Variants in HERC1 observed in about 807,000 individuals in gnomAD.
The protein encoded by HERC1 is probable E3 ubiquitin-protein ligase HERC1.
A neutral mutation model predicts 554.3 loss-of-function variants in HERC1; 160 were observed. The observed-to-expected ratio is 0.29, with a 90% confidence interval of 0.25 to 0.33. The LOEUF (loss-of-function observed/expected upper bound fraction) is 0.33. Among genes scored for constraint, HERC1 ranks in the 10% least tolerant of loss-of-function variants. HERC1 has a pLI of 1.00. For missense variants in HERC1, 4,919 were observed against 5,918.5 expected (o/e 0.83, Z 5.54); for synonymous variants, 2,175 against 2,131.7 (o/e 1.02, Z -0.56).
chr15:63,694,349 T>A lies in HERC1; in HGVS notation c.5443A>T (p.Ser1815Cys). Reference sequence around the variant, plus strand: ...GCTAGAATCTGGAGCAACCTTGTACTGGCCACTTTCAAAGCTGTGCTAAGC... The same window carrying A: ...GCTAGAATCTGGAGCAACCTTGTACAGGCCACTTTCAAAGCTGTGCTAAGC... ...SQLSTALKVA[S>C]TRLLQILAIT... The change falls in exon 29 of 78, where the codon AGT (serine) becomes TGT (cysteine). Residue 1815 changes from serine to cysteine, a missense_variant. Ser to Cys is a moderately radical substitution (Grantham distance 112). This residue lies in a region of HERC1 where 1,121 missense variants were observed against 1,244.0 expected (regional missense o/e 0.90). Coordinates refer to ENST00000443617, the MANE Select transcript of HERC1 (RefSeq NM_003922.4). This position sits in a 1 kb window ranked among gnomAD's most constrained non-coding sequence, Gnocchi z 4.3. 1 of 1,613,902 alleles carries A rather than the reference T, an allele frequency of 6.2e-7. No homozygotes were observed. The highest frequency in any genetic ancestry group is 8.5e-7 in the Non-Finnish European group (1 of 1,179,846).
Position 63,646,281 on chromosome 15 carries a change from T to C in HERC1, c.10879-599A>G, listed in dbSNP as rs150819294. On this transcript the variant is annotated intron_variant, in intron 55 of 77. Transcript: ENST00000443617. The stretch of plus-strand genomic sequence containing the variant: ...AAAAAATCATTCTTCATGAACGGAA[T>C]TTCTGACATTACTGGGAGCATTTGA... Among the ~76,000 whole-genome samples, 383 of 152,290 alleles carry C rather than the reference T, an allele frequency of 2.5e-3. 3 individuals carry two copies. The highest frequency in any genetic ancestry group is 8.3e-3 in the African/African-American group (345 of 41,556).
chr15:63,644,390 G>C (rs1377713875), intron 57 of HERC1, among the ~76,000 whole-genome samples: 1 of 152,070 alleles, frequency 6.6e-6, no homozygotes, highest in Non-Finnish European at 1.5e-5. Flanking sequence ...TTAAACATTG[G>C]ATTCTTAGCA....
Position 63,649,758 on chromosome 15 carries a change from G to A in HERC1, c.10714C>T (p.Arg3572Cys), listed in dbSNP as rs773723557. The A allele has an allele frequency of 6.2e-6, 10 of 1,613,642 alleles. No individual in the cohort carries two copies. Among genetic ancestry groups the A allele is most frequent in the South Asian group, 1.1e-5 (1 of 90,972 alleles). The change falls in exon 54 of 78, where the codon CGT (arginine) becomes TGT (cysteine). Residue 3572 changes from arginine (R) to cysteine (C), a missense_variant. Physicochemically the swap from Arg to Cys is radical, Grantham distance 180 (BLOSUM62 -3). Around this residue, in one of 11 missense-constraint regions of HERC1, gnomAD observed 1,963 missense variants for 2,228.6 expected, o/e 0.88. Transcript: ENST00000443617. ...IEVVDVSTMHRRELEHCYRKD... is the reference protein window; with the variant it reads ...IEVVDVSTMHCRELEHCYRKD... Reference sequence around the variant, plus strand: ...CGATAGCAATGCTCCAATTCTCGACGGTGCATGGTGGACACATCAACAACT... The same window carrying A: ...CGATAGCAATGCTCCAATTCTCGACAGTGCATGGTGGACACATCAACAACT...
intron 17 of HERC1, 49 bp from the exon 18 acceptor site, chr15:63,725,562 A>G (rs752379647): frequency 6.8e-7 from 1 of 1,459,890 alleles, no homozygotes; most frequent in South Asian, 1.2e-5. Context: ...TACTTTTAAG[A>G]TTCAAAATAT....
At chr15:63,620,664 C>G (rs28750783) in intron 74 of HERC1, among the ~76,000 whole-genome samples, 123,593 of 151,666 alleles carry the variant, frequency 0.81, 52,251 homozygotes, top group Non-Finnish European at 0.88. Flanking sequence ...CTTGGTTTAT[C>G]AATCTGGGTG....
intron 1 of HERC1, among the ~76,000 whole-genome samples, chr15:63,777,722 TC>T (rs1197126539): frequency 4.6e-5 from 7 of 152,206 alleles, no homozygotes; most frequent in Non-Finnish European, 1.0e-4. Flanking sequence ...GCTTCTGTTT[TC>T]CATTCTTGGT....
intron 33 of HERC1, 115 bp downstream of exon 33, chr15:63,689,474 G>A (rs1286978442): frequency 1.7e-6 from 1 of 599,402 alleles, no homozygotes; most frequent in African/African-American, 1.9e-5. Context: ...AATGCCAAGA[G>A]AGGAAATGGA....
At chr15:63,620,588 G>C (rs1253807885) in intron 74 of HERC1, among the ~76,000 whole-genome samples, 1 of 152,150 alleles carries the variant, frequency 6.6e-6, no homozygotes, top group Non-Finnish European at 1.5e-5. Flanking sequence ...AATGTTGACA[G>C]TGGGGTGTTA....
intron 61 of HERC1, 106 bp downstream of exon 61, chr15:63,640,046 C>T (rs1292166556): frequency 7.5e-6 from 8 of 1,063,692 alleles, no homozygotes; most frequent in Admixed American, 2.3e-5. Flanking sequence ...TTAAGGGTAT[C>T]CTTCTAGCCA....
Position 63,733,105 on chromosome 15 carries a change from T to A in HERC1, c.2687A>T (p.His896Leu). The change falls in exon 14 of 78, where the codon CAT becomes CTT. Residue 896 changes from histidine to leucine, a missense_variant. Around this residue, in one of 11 missense-constraint regions of HERC1, gnomAD observed 744 missense variants for 1,090.0 expected, o/e 0.68. Coordinates refer to ENST00000443617, the MANE Select transcript of HERC1 (RefSeq NM_003922.4). ...LDIILTSLQD[H>L]THVASLLGYS... The stretch of plus-strand genomic sequence containing the variant: ...GCCAAGTAGGGAGGCTACGTGGGTA[T>A]GATCTTGCAAACTTGTCAGGATGAT... The A allele has an allele frequency of 6.2e-7, 1 of 1,613,928 alleles. No individual in the cohort carries two copies. Among genetic ancestry groups the A allele is most frequent in the South Asian group, 1.1e-5 (1 of 91,088 alleles).
At chr15:63,804,815 G>T (rs754181853) in intron 1 of HERC1, among the ~76,000 whole-genome samples, 1 of 151,970 alleles carries the variant, frequency 6.6e-6, no homozygotes, top group Non-Finnish European at 1.5e-5. Flanking sequence ...TACATAAACA[G>T]CCAAAAAAGC....
In HERC1 at chr15:63,692,741, C is replaced by A. The variant is rs549220517; in HGVS notation, c.5675-175G>T. 3.3e-5 allele frequency among the ~76,000 whole-genome samples: 5 copies of A among 152,226 alleles called. No individual in the cohort carries two copies. In the South Asian group the frequency reaches 6.2e-4, roughly 19 times the overall value. On this transcript the variant is annotated intron_variant, in intron 30 of 77. Transcript: ENST00000443617. The surrounding 1 kb of genome is among the most constrained non-coding windows in gnomAD (Gnocchi z 4.7). ...AATGGGGAAAGGTCAGAAAACAAAG[C>A]CTAAACTTGAAACGCCTTTTACATC...
At chr15:63,742,126 G>A (rs2074836807) in intron 12 of HERC1, among the ~76,000 whole-genome samples, 2 of 152,180 alleles carry the variant, frequency 1.3e-5, no homozygotes, top group Admixed American at 1.3e-4. Context: ...AACATGAGGT[G>A]TGTTTCCATT....
Position 63,758,905 on chromosome 15 carries a change from T to C in HERC1, c.1027-536A>G, listed in dbSNP as rs1166186743. On this transcript the variant is annotated intron_variant, in intron 3 of 77. Transcript: ENST00000443617. This position sits in a 1 kb window ranked among gnomAD's most constrained non-coding sequence, Gnocchi z 4.0. ...AACCACTTCCCCACCCCCAACTTTT[T>C]TTTTAAATAGATGGGGTCTCATTAT... is the stretch of plus-strand genomic sequence containing the variant. Among the ~76,000 whole-genome samples, 6 of 152,094 alleles carry C rather than the reference T, an allele frequency of 3.9e-5. No homozygotes were observed. The highest frequency in any genetic ancestry group is 3.9e-4 in the Admixed American group (6 of 15,256).
At chr15:63,650,091 C>T (rs998900267) in intron 53 of HERC1, among the ~76,000 whole-genome samples, 166 bp from the exon 54 acceptor site, 26 of 152,136 alleles carry the variant, frequency 1.7e-4, no homozygotes, top group African/African-American at 6.3e-4. Flanking sequence ...ATTTATAATA[C>T]TATATATGAT....
In HERC1 at chr15:63,713,655, C is replaced by T; in HGVS notation, c.4161G>A (p.Gln1387=). 1.2e-6 allele frequency: 2 copies of T among 1,608,646 alleles called. No individual in the cohort carries two copies. Among genetic ancestry groups the T allele is most frequent in the Non-Finnish European group, 1.7e-6 (2 of 1,176,958 alleles). The stretch of plus-strand genomic sequence containing the variant: ...CTACTTCACGGGCTGAGAGGAAACA[C>T]TGAAAGATTTCTGTAACATGCAACA... The part of the protein sequence containing the change: ...HEVMTAGKIF[Q]CFLSAREVAR... The change falls in exon 23 of 78, where the codon CAG becomes CAA. Residue 1387 remains glutamine (Q), a synonymous_variant. Coordinates refer to ENST00000443617, the MANE Select transcript of HERC1 (RefSeq NM_003922.4).
rs16947343 is a variant in HERC1 at position 63,677,353 on chromosome 15, T to C, written c.7070+492A>G. 0.51 allele frequency among the ~76,000 whole-genome samples: 77,586 copies of C among 152,094 alleles called. 20,741 individuals are homozygous for C. Among genetic ancestry groups the C allele is most frequent in the African/African-American group, 0.57 (23,501 of 41,502 alleles). ...AATCAAAATGTTTACATTGAGGGGATAGAAATATGTGGTTTTATAAAAAGG... is the reference window on the plus strand; with the variant it reads ...AATCAAAATGTTTACATTGAGGGGACAGAAATATGTGGTTTTATAAAAAGG... On this transcript the variant is annotated intron_variant, in intron 37 of 77. Transcript: ENST00000443617. The surrounding 1 kb of genome is among the most constrained non-coding windows in gnomAD (Gnocchi z 4.4).
At chr15:63,810,907 T>TA (rs2077285512) in intron 1 of HERC1, among the ~76,000 whole-genome samples, 1 of 152,192 alleles carries the variant, frequency 6.6e-6, no homozygotes, top group African/African-American at 2.4e-5. Context: ...TACATAGTGT[T>TA]AATGCAGCAA....
At chr15:63,820,104 A>G (rs950563563) in intron 1 of HERC1, among the ~76,000 whole-genome samples, 26 of 152,338 alleles carry the variant, frequency 1.7e-4, no homozygotes, top group Non-Finnish European at 3.1e-4. Flanking sequence ...CACAAGAAAT[A>G]CATACAATTT....
Sources: allele counts gnomAD v4.1 joint callset (sites outside exome capture counted in the v4.1 genomes callset), GRCh38; gene constraint gnomAD v4.1.1; regional missense constraint gnomAD v4.1.1; non-coding constraint Gnocchi (gnomAD v3.1); transcripts MANE v1.5; gene names NCBI Gene and HGNC (gene_info 2026-07-23, HGNC 2026-07-21).